DAB2: variants seen among roughly 807,000 people sequenced by gnomAD.
DAB2 encodes the protein disabled homolog 2.
DAB2 carries 28 observed loss-of-function variants against 71.6 expected under a neutral mutation model. The ratio of observed to expected loss-of-function variants is 0.39; its 90% confidence interval spans 0.29 to 0.54. DAB2 has a LOEUF of 0.54. Ranked by LOEUF, DAB2 falls within the 20% of genes least tolerant of loss-of-function variation. DAB2 has a pLI of 0.68. For synonymous variants in DAB2, 345 were observed against 339.7 expected (o/e 1.02, Z -0.17); for missense variants, 867 against 928.8 (o/e 0.93, Z 0.86).
At chr5:39,415,815 T>C (rs1349455602) in intron 1 of DAB2, among the ~76,000 whole-genome samples, 1 of 152,182 alleles carries the variant, frequency 6.6e-6, no homozygotes, top group African/African-American at 2.4e-5. Flanking sequence ...CCACTGTTTC[T>C]ATGAAAGAGT....
chr5:39,390,931 C>T (rs566084278), intron 4 of DAB2, among the ~76,000 whole-genome samples: 2 of 152,138 alleles, frequency 1.3e-5, no homozygotes, highest in African/African-American at 4.8e-5. Context: ...ACTTTCCCAA[C>T]TCAAAGACAA....
chr5:39,382,551 T>C (rs182061356), intron 10 of DAB2, 67 bp downstream of exon 10: 2 of 1,465,934 alleles, frequency 1.4e-6, no homozygotes, highest in East Asian at 2.3e-5. Context: ...AAAGAGAGCT[T>C]GCATCACACC....
chr5:39,417,154 G>T (rs983223494), intron 1 of DAB2: 3 of 151,946 alleles, frequency 2.0e-5, no homozygotes, highest in Admixed American at 6.6e-5. Context: ...CGCCTGGTTG[G>T]GGGGTAAGGG....
intron 1 of DAB2, among the ~76,000 whole-genome samples, chr5:39,404,022 A>T (rs547843172): frequency 6.6e-6 from 1 of 152,062 alleles, no homozygotes; most frequent in South Asian, 2.1e-4. Context: ...AATCCAGTCT[A>T]TCATTGTTGG....
intron 1 of DAB2, among the ~76,000 whole-genome samples, chr5:39,423,151 A>T (rs1756027898): frequency 1.3e-5 from 2 of 152,198 alleles, no homozygotes; most frequent in Admixed American, 1.3e-4. Context: ...ATGAGAAGGG[A>T]TCCTTCCAGC....
chr5:39,388,911 T>C (rs1261940996), intron 7 of DAB2, 59 bp from the exon 8 acceptor site: 3 of 1,450,872 alleles, frequency 2.1e-6, no homozygotes, highest in Non-Finnish European at 2.9e-6. Context: ...AATGTATTTG[T>C]CCACTCTATT....
chr5:39,405,487 T>C (rs917345796), intron 1 of DAB2, among the ~76,000 whole-genome samples: 2 of 152,242 alleles, frequency 1.3e-5, no homozygotes, highest in Admixed American at 1.3e-4. Context: ...TTGCCTTACA[T>C]TGCTGGCACT....
In DAB2 at chr5:39,388,359, G is replaced by A; in HGVS notation, c.633C>T (p.Asp211=). 6.2e-7 allele frequency: 1 copy of A among 1,609,268 alleles called. No homozygotes were observed. Among genetic ancestry groups the A allele is most frequent in the Non-Finnish European group, 8.5e-7 (1 of 1,176,036 alleles). ...ACATGTCCCCAAACAAATCCATCTG[G>A]TCAACACCCTTAAAAAAGTATTTGG... The part of the protein sequence containing the change: ...DQTNKLKSGV[D]QMDLFGDMST... The change falls in exon 9 of 15, where the codon GAC becomes GAT. Residue 211 remains aspartate (D), a synonymous_variant. Coordinates refer to ENST00000320816, the MANE Select transcript of DAB2 (RefSeq NM_001343.4).
intron 1 of DAB2, among the ~76,000 whole-genome samples, chr5:39,406,726 T>C (rs1755617451): frequency 6.6e-6 from 1 of 152,252 alleles, no homozygotes; most frequent in South Asian, 2.1e-4. Flanking sequence ...AACTTTATTT[T>C]GTATCATTAG....
intron 3 of DAB2, 105 bp downstream of exon 3, chr5:39,393,149 G>A: frequency 8.6e-7 from 1 of 1,159,766 alleles, no homozygotes; most frequent in South Asian, 1.4e-5. Flanking sequence ...GTGATTAAAA[G>A]CAGTTTTCAA....
intron 1 of DAB2, chr5:39,418,025 A>G (rs1207064224): frequency 6.6e-6 from 1 of 152,214 alleles, no homozygotes; most frequent in East Asian, 1.9e-4. Flanking sequence ...TTCTACTTCA[A>G]AAATGAATTG....
intron 13 of DAB2, 96 bp downstream of exon 13, chr5:39,375,901 T>C: frequency 1.1e-6 from 1 of 908,960 alleles, no homozygotes; most frequent in Non-Finnish European, 1.7e-6. Context: ...AATAAATAAA[T>C]AAATAAAAGC....
At chr5:39,385,621 G>A (rs868610152) in intron 9 of DAB2, among the ~76,000 whole-genome samples, 3 of 152,106 alleles carry the variant, frequency 2.0e-5, no homozygotes, top group South Asian at 2.1e-4. Flanking sequence ...TGAGCCGCAC[G>A]CACTGGAGAC....
intron 1 of DAB2, among the ~76,000 whole-genome samples, chr5:39,411,632 T>A (rs1755731827): frequency 6.6e-6 from 1 of 152,188 alleles, no homozygotes; most frequent in Non-Finnish European, 1.5e-5. Flanking sequence ...ATTCGATCAT[T>A]TGTTTCCTTA....
chr5:39,376,612 A>G (rs748942299), intron 12 of DAB2, 38 bp downstream of exon 12: 1 of 1,599,958 alleles, frequency 6.3e-7, no homozygotes, highest in Admixed American at 1.7e-5. Context: ...CAGTGGAGAT[A>G]GTTGTTGGAA....
At chr5:39,387,982 A>C (rs1002112714) in intron 9 of DAB2, 1 of 206,794 alleles carries the variant, frequency 4.8e-6, no homozygotes, top group African/African-American at 2.3e-5. Context: ...ACCATCTAAC[A>C]GTCATACTTT....
In DAB2 at chr5:39,393,287, A is replaced by T. The variant is rs202019477; in HGVS notation, c.198T>A (p.Asp66Glu). The part of the protein sequence containing the change: ...GIDDVPDARG[D>E]KMSQDSMMKL... ...TCATCATAGAGTCTTGGCTCATTTT[A>T]TCCCCTCTTGCATCTGGCACATCAT... The change falls in exon 3 of 15, where the codon GAT becomes GAA. Residue 66 changes from aspartate to glutamate, a missense_variant. Asp to Glu is a conservative substitution (Grantham distance 45, BLOSUM62 2). This residue lies in a region of DAB2 where 127 missense variants were observed against 194.4 expected (regional missense o/e 0.65). Coordinates refer to ENST00000320816, the MANE Select transcript of DAB2 (RefSeq NM_001343.4). The T allele has an allele frequency of 1.2e-6, 2 of 1,614,062 alleles. No homozygotes were observed. The highest frequency in any genetic ancestry group is 4.5e-5 in the East Asian group (2 of 44,862).
chr5:39,416,813 A>T (rs943029579), intron 1 of DAB2, among the ~76,000 whole-genome samples: 7 of 152,136 alleles, frequency 4.6e-5, no homozygotes, highest in African/African-American at 1.4e-4. Context: ...TATTTGCCCT[A>T]CTTTTCTAGG....
chr5:39,377,550 G>A lies in DAB2; in HGVS notation c.1505-268C>T, dbSNP rs370418336. Among the ~76,000 whole-genome samples the A allele has an allele frequency of 1.4e-3, 219 of 152,128 alleles. 10 individuals are homozygous for A. In the South Asian group the frequency reaches 0.041, roughly 28 times the overall value. Reference sequence around the variant, plus strand: ...ACTTTCCTGATTAGAAGGGTAGTACGGTCCATAAGTATCTACTCATCAAAA... The same window carrying A: ...ACTTTCCTGATTAGAAGGGTAGTACAGTCCATAAGTATCTACTCATCAAAA... On this transcript the variant is annotated intron_variant, in intron 11 of 14. Coordinates refer to ENST00000320816, the MANE Select transcript of DAB2 (RefSeq NM_001343.4).
Sources: gnomAD v4.1 joint callset for allele counts (sites outside exome capture counted in the v4.1 genomes callset) on GRCh38, gnomAD v4.1.1 for gene constraint, gnomAD v4.1.1 regional missense constraint, MANE v1.5 for transcripts, NCBI Gene and HGNC (gene_info 2026-07-23, HGNC 2026-07-21) for gene names.